ADAMTS19: variants seen among roughly 807,000 people sequenced by gnomAD.
The protein encoded by ADAMTS19 is ADAM metallopeptidase with thrombospondin type 1 motif 19, also known as A disintegrin and metalloproteinase with thrombospondin motifs 19.
In ADAMTS19, 93 loss-of-function variants were observed where a neutral mutation model predicts 153.3. That is an observed-to-expected ratio of 0.61 (90% CI 0.51 to 0.72). The LOEUF (loss-of-function observed/expected upper bound fraction) is 0.72, where lower values mean the gene tolerates loss of function less well. Ranked by LOEUF, ADAMTS19 falls within the 30% of genes least tolerant of loss-of-function variation. The pLI is 0.00. For missense variants in ADAMTS19, 1,482 were observed against 1,552.1 expected (o/e 0.95, Z 0.76); for synonymous variants, 600 against 556.6 (o/e 1.08, Z -1.10).
At chr5:129,556,397 A>G (rs969137590) in intron 7 of ADAMTS19, among the ~76,000 whole-genome samples, 1 of 152,214 alleles carries the variant, frequency 6.6e-6, no homozygotes, top group Non-Finnish European at 1.5e-5. Flanking sequence ...GAAATAAAGT[A>G]TATTTCATTG....
intron 7 of ADAMTS19, among the ~76,000 whole-genome samples, chr5:129,577,185 G>T (rs946913075): frequency 1.3e-5 from 2 of 152,246 alleles, no homozygotes; most frequent in Non-Finnish European, 2.9e-5. Flanking sequence ...CATGGAAATA[G>T]AAGAGAGATG....
intron 10 of ADAMTS19, among the ~76,000 whole-genome samples, chr5:129,639,253 AAGGG>A (rs1382105652): frequency 1.3e-5 from 2 of 152,170 alleles, no homozygotes; most frequent in Non-Finnish European, 2.9e-5. Flanking sequence ...GCCCTTTAGA[AAGGG>A]CTTGCTGTTA....
chr5:129,562,657 C>T (rs1753564400), intron 7 of ADAMTS19, among the ~76,000 whole-genome samples: 1 of 151,990 alleles, frequency 6.6e-6, no homozygotes, highest in Non-Finnish European at 1.5e-5. Context: ...TGTGTGTACA[C>T]GTGTTTCATG....
At chr5:129,654,561 A>C in intron 14 of ADAMTS19, 128 bp downstream of exon 14, 4 of 1,045,166 alleles carry the variant, frequency 3.8e-6, no homozygotes, top group Non-Finnish European at 5.5e-6. Flanking sequence ...TCCTGCCTTG[A>C]CTGTGACCTT....
At chr5:129,624,908 C>T (rs1751954533) in intron 10 of ADAMTS19, among the ~76,000 whole-genome samples, 1 of 152,004 alleles carries the variant, frequency 6.6e-6, no homozygotes, top group East Asian at 1.9e-4. Flanking sequence ...CATATGTATA[C>T]ATGTGCCATG....
At chr5:129,464,313 G>C (rs1394429228) in intron 2 of ADAMTS19, among the ~76,000 whole-genome samples, 2 of 152,172 alleles carry the variant, frequency 1.3e-5, no homozygotes, top group Non-Finnish European at 2.9e-5. Context: ...AGAATTCTGT[G>C]ATCCTGTAAT....
chr5:129,579,338 G>A lies in ADAMTS19; in HGVS notation c.1373-17221G>A, dbSNP rs1387265843. ...AGTTCTTTGTAGATTCTGGATATTA[G>A]ACCTTTGTCAGATGGATAGATTGCA... On this transcript the variant is annotated intron_variant, in intron 7 of 22. Coordinates refer to ENST00000274487, the MANE Select transcript of ADAMTS19 (RefSeq NM_133638.6). 2.0e-5 allele frequency among the ~76,000 whole-genome samples: 3 copies of A among 152,026 alleles called. No individual in the cohort carries two copies. The South Asian group carries it at 6.3e-4, about 32-fold the overall frequency.
rs552075187 is a variant in ADAMTS19, at chr5:129,557,250, A to C, written c.1372+5343A>C. Among the ~76,000 whole-genome samples, 309 of 152,276 alleles carry C rather than the reference A, an allele frequency of 2.0e-3. 1 individual carries two copies. Among genetic ancestry groups the C allele is most frequent in the Non-Finnish European group, 2.5e-3 (173 of 68,016 alleles). ...ACTATTTCTAGCTGAGAGATTAGCC[A>C]AAAAGAAGCCTATCTCTTCTTTTAA... On this transcript the variant is annotated intron_variant, in intron 7 of 22. Transcript: ENST00000274487.
intron 6 of ADAMTS19, among the ~76,000 whole-genome samples, chr5:129,537,025 A>T (rs1412303303): frequency 6.6e-6 from 1 of 151,768 alleles, no homozygotes; most frequent in East Asian, 1.9e-4. Context: ...TAAGCTGCAC[A>T]TTGTGCACAT....
chr5:129,672,406 C>T (rs372091546), intron 16 of ADAMTS19, among the ~76,000 whole-genome samples: 4 of 152,134 alleles, frequency 2.6e-5, no homozygotes, highest in South Asian at 4.2e-4. Context: ...GAACAGGAAG[C>T]CAGAGAATTA....
chr5:129,732,386 C>T (rs1757476348), intron 21 of ADAMTS19, among the ~76,000 whole-genome samples: 1 of 152,066 alleles, frequency 6.6e-6, no homozygotes, highest in South Asian at 2.1e-4. Context: ...GTCAAATTAT[C>T]TGTGTTTGCT....
chr5:129,571,705 A>G (rs1004668784), intron 7 of ADAMTS19, among the ~76,000 whole-genome samples: 9 of 151,800 alleles, frequency 5.9e-5, no homozygotes, highest in African/African-American at 2.2e-4. Flanking sequence ...TGATCAACAC[A>G]ATTTTGAATA....
intron 21 of ADAMTS19, among the ~76,000 whole-genome samples, chr5:129,720,148 G>GTATATATATATATATATATATATATA (rs35948614): frequency 1.4e-5 from 2 of 143,200 alleles, no homozygotes; most frequent in African/African-American, 2.6e-5. Flanking sequence ...ATGTGTGTAT[G>GTATATATATATATATATATATATATA]TATATATATA....
At chr5:129,594,844 C>T (rs1440240728) in intron 7 of ADAMTS19, among the ~76,000 whole-genome samples, 1 of 152,010 alleles carries the variant, frequency 6.6e-6, no homozygotes, top group African/African-American at 2.4e-5. Context: ...ATCTTTCTGT[C>T]CTACTTTGTC....
chr5:129,506,189 A>C (rs1298041957), intron 2 of ADAMTS19, among the ~76,000 whole-genome samples: 1 of 152,122 alleles, frequency 6.6e-6, no homozygotes, highest in African/African-American at 2.4e-5. Context: ...CTGCTTTAAT[A>C]TGAGCCAGTA....
chr5:129,572,647 C>G (rs1004488624), intron 7 of ADAMTS19, among the ~76,000 whole-genome samples: 4 of 151,888 alleles, frequency 2.6e-5, no homozygotes, highest in Non-Finnish European at 5.9e-5. Flanking sequence ...AAGCATTATG[C>G]TGAGGGAAAG....
intron 17 of ADAMTS19, among the ~76,000 whole-genome samples, chr5:129,681,604 T>C (rs1390590445): frequency 1.3e-5 from 2 of 152,188 alleles, no homozygotes; most frequent in Admixed American, 6.5e-5. Flanking sequence ...TGTTGTCCAA[T>C]AAGTTATTTA....
At chr5:129,608,857 GA>G (rs1308665628) in intron 8 of ADAMTS19, among the ~76,000 whole-genome samples, 1,884 of 74,348 alleles carry the variant, frequency 0.025, 40 homozygotes, top group African/African-American at 0.07. Flanking sequence ...AAAAAAAAAA[GA>G]AAAAAAAAAA....
chr5:129,597,947 G>C (rs766535264), intron 8 of ADAMTS19, among the ~76,000 whole-genome samples: 2 of 151,816 alleles, frequency 1.3e-5, no homozygotes, highest in Non-Finnish European at 2.9e-5. Flanking sequence ...GCACAGGTTG[G>C]GGAATCAGAC....
Sources: allele counts gnomAD v4.1 joint callset (sites outside exome capture counted in the v4.1 genomes callset), GRCh38; gene constraint gnomAD v4.1.1; transcripts MANE v1.5; gene names NCBI Gene and HGNC (gene_info 2026-07-23, HGNC 2026-07-21).